ADAMTSL1: variants seen among roughly 807,000 people sequenced by gnomAD.
ADAMTSL1 encodes the protein ADAMTS like 1.
ADAMTSL1 carries 126 observed loss-of-function variants against 201.8 expected under a neutral mutation model. The ratio of observed to expected loss-of-function variants is 0.62; its 90% CI spans 0.54 to 0.72. The LOEUF is 0.72. Ranked by LOEUF, ADAMTSL1 falls within the 30% of genes least tolerant of loss-of-function variation. ADAMTSL1 has a pLI of 0.00. For synonymous variants in ADAMTSL1, 1,121 were observed against 903.4 expected (o/e 1.24, Z -4.32); for missense variants, 2,679 against 2,277.8 (o/e 1.18, Z -3.59).
intron 2 of ADAMTSL1, among the ~76,000 whole-genome samples, chr9:18,275,681 T>C (rs1373872755): frequency 1.3e-5 from 2 of 152,340 alleles, no homozygotes; most frequent in African/African-American, 2.4e-5. Context: ...ATCTTTAATG[T>C]ATCAGTAGTC....
chr9:18,164,595 G>C (rs1246897860), intron 2 of ADAMTSL1, among the ~76,000 whole-genome samples: 1 of 151,736 alleles, frequency 6.6e-6, no homozygotes, highest in East Asian at 1.9e-4. Context: ...GAATTGGACA[G>C]ACAACTTGTG....
intron 2 of ADAMTSL1, among the ~76,000 whole-genome samples, chr9:18,279,125 C>A (rs1012470882): frequency 6.6e-6 from 1 of 152,116 alleles, no homozygotes; most frequent in African/African-American, 2.4e-5. Flanking sequence ...CACTGAGCTT[C>A]CTTAGGATGT....
intron 4 of ADAMTSL1, among the ~76,000 whole-genome samples, chr9:18,616,490 G>A (rs1758960896): frequency 6.6e-6 from 1 of 152,058 alleles, no homozygotes; most frequent in Non-Finnish European, 1.5e-5. Flanking sequence ...CTATTATTTT[G>A]GTACTTTAAT....
intron 2 of ADAMTSL1, among the ~76,000 whole-genome samples, chr9:18,393,118 T>C (rs973931423): frequency 6.6e-6 from 1 of 152,202 alleles, no homozygotes; most frequent in Non-Finnish European, 1.5e-5. Flanking sequence ...AGTGGATGCA[T>C]GAATGTGGGA....
At chr9:18,889,537 C>T (rs554004669) in intron 24 of ADAMTSL1, 31 bp from the exon 25 acceptor site, 2 of 1,609,156 alleles carry the variant, frequency 1.2e-6, no homozygotes, top group Non-Finnish European at 1.7e-6. Context: ...ATGCTATATT[C>T]TTTTCTACAC....
At chr9:18,591,167 T>A (rs976404726) in intron 4 of ADAMTSL1, among the ~76,000 whole-genome samples, 2 of 152,198 alleles carry the variant, frequency 1.3e-5, no homozygotes, top group African/African-American at 4.8e-5. Flanking sequence ...TCCTTTTAGA[T>A]CTGTTAAAAT....
intron 1 of ADAMTSL1, among the ~76,000 whole-genome samples, chr9:18,130,716 C>T (rs1825915827): frequency 6.6e-6 from 1 of 152,136 alleles, no homozygotes; most frequent in Non-Finnish European, 1.5e-5. Context: ...ATTCAGCATT[C>T]CCACCAGACA....
chr9:18,155,668 T>G (rs1016293393), intron 1 of ADAMTSL1, among the ~76,000 whole-genome samples: 4 of 152,130 alleles, frequency 2.6e-5, no homozygotes, highest in African/African-American at 9.6e-5. Flanking sequence ...GGACTCCCCT[T>G]CTGTAGAGCA....
At chr9:17,919,458 GTACCCTTTATATCAC>G (rs973605340) in intron 1 of ADAMTSL1, among the ~76,000 whole-genome samples, 1 of 151,844 alleles carries the variant, frequency 6.6e-6, no homozygotes, top group African/African-American at 2.4e-5. Flanking sequence ...AAGAAATCTT[GTACCCTTTATATCAC>G]CCCCTTACTT....
In ADAMTSL1 at chr9:18,777,868, C is replaced by T. The variant is rs774184376; in HGVS notation, c.3639C>T (p.Ser1213=). Residue 1213 remains serine (S), a synonymous_variant, in exon 19 of 29, where the codon AGC becomes AGT. Coordinates refer to ENST00000380548, the MANE Select transcript of ADAMTSL1 (RefSeq NM_001040272.6). Reference sequence around the variant, plus strand: ...TCGGCCACCCAAGGCCTACCATCAGCTGGGCCAGGAATGGAGAAGAAGTTC... The same window carrying T: ...TCGGCCACCCAAGGCCTACCATCAGTTGGGCCAGGAATGGAGAAGAAGTTC... ...EAIGHPRPTI[S]WARNGEEVQF... is the part of the protein sequence containing the mutation. 6.4e-7 allele frequency: 1 copy of T among 1,571,232 alleles called. No individual in the cohort carries two copies. The highest frequency in any genetic ancestry group is 8.7e-7 in the Non-Finnish European group (1 of 1,154,278).
At chr9:18,094,646 C>A (rs766763178) in intron 1 of ADAMTSL1, among the ~76,000 whole-genome samples, 26 of 151,718 alleles carry the variant, frequency 1.7e-4, no homozygotes, top group Admixed American at 9.9e-4. Flanking sequence ...TTGCAACCTC[C>A]ACCTCCTGGG....
At chr9:18,646,217 T>C (rs1827801434) in intron 7 of ADAMTSL1, among the ~76,000 whole-genome samples, 2 of 151,980 alleles carry the variant, frequency 1.3e-5, no homozygotes, top group Admixed American at 1.3e-4. Flanking sequence ...TAAGAATGCT[T>C]GTGATTTTTG....
At chr9:18,245,859 G>C (rs1831241953) in intron 2 of ADAMTSL1, among the ~76,000 whole-genome samples, 1 of 151,912 alleles carries the variant, frequency 6.6e-6, no homozygotes, top group South Asian at 2.1e-4. Context: ...TTCATTTTTT[G>C]GTTGTCCTTT....
intron 2 of ADAMTSL1, among the ~76,000 whole-genome samples, chr9:18,420,382 G>A (rs1014636329): frequency 3.3e-5 from 5 of 152,196 alleles, no homozygotes; most frequent in Non-Finnish European, 5.9e-5. Flanking sequence ...AAGTATATGT[G>A]TCTGGCATGG....
chr9:18,389,501 C>G (rs564436105), intron 2 of ADAMTSL1, among the ~76,000 whole-genome samples: 3 of 152,118 alleles, frequency 2.0e-5, no homozygotes, highest in Non-Finnish European at 2.9e-5. Context: ...TTATTGAAAT[C>G]ATTTCATCCA....
chr9:18,534,610 C>A (rs1819643607), intron 3 of ADAMTSL1, among the ~76,000 whole-genome samples: 1 of 152,234 alleles, frequency 6.6e-6, no homozygotes, highest in Non-Finnish European at 1.5e-5. Flanking sequence ...TTCCACATTT[C>A]TCTTCCGCAT....
rs538810109 is a variant in ADAMTSL1, at chr9:18,712,558, C to A, written c.1876+5510C>A. Among the ~76,000 whole-genome samples, 1,246 of 151,982 alleles carry A rather than the reference C, an allele frequency of 8.2e-3. 25 individuals carry two copies. Among genetic ancestry groups the A allele is most frequent in the African/African-American group, 0.028 (1,160 of 41,390 alleles). On this transcript the variant is annotated intron_variant, in intron 14 of 28. Transcript: ENST00000380548. The stretch of plus-strand genomic sequence containing the variant: ...AAGGGAAGTTTAGAGAAGAAAGAAT[C>A]AAAAGAAATGAGCAAAGCCTCCAAG...
In ADAMTSL1 at chr9:18,904,633, C is replaced by CAAAAAAAAAA. The variant is rs71333072; in HGVS notation, c.4852-1119_4852-1110dup. On this transcript the variant is annotated intron_variant, in intron 26 of 28. Coordinates refer to ENST00000380548, the MANE Select transcript of ADAMTSL1 (RefSeq NM_001040272.6). The stretch of plus-strand genomic sequence containing the variant: ...TGGGCAACAGAAAGAGACCCTGCCT[C>CAAAAAAAAAA]AAAAAAAAAAAAAAAAAAAAAAAAA... Among the ~76,000 whole-genome samples the CAAAAAAAAAA allele has an allele frequency of 8.0e-4, 12 of 15,006 alleles. 3 individuals carry two copies. The highest frequency in any genetic ancestry group is 1.1e-3 in the Non-Finnish European group (9 of 8,422). 9.8% of individuals were successfully genotyped at this position (15,006 alleles called of 152,430 possible). A position where few individuals can be genotyped will look rare whatever the true frequency, so the allele number is the denominator to read the frequency against.
At chr9:18,717,987 A>G in intron 14 of ADAMTSL1, 4 of 1,588,450 alleles carry the variant, frequency 2.5e-6, no homozygotes, top group South Asian at 1.1e-5. Context: ...AGCAGCTGAC[A>G]TGATGACTTT....
Sources: allele counts gnomAD v4.1 joint callset (sites outside exome capture counted in the v4.1 genomes callset), GRCh38; gene constraint gnomAD v4.1.1; transcripts MANE v1.5; gene names NCBI Gene and HGNC (gene_info 2026-07-23, HGNC 2026-07-21).